KCNU1: variants seen among roughly 807,000 people sequenced by gnomAD.
The protein encoded by KCNU1 is potassium calcium-activated channel subfamily U member 1.
KCNU1 carries 93 observed loss-of-function variants against 126.8 expected under a neutral mutation model. The observed-to-expected ratio is 0.73, with a 90% CI of 0.62 to 0.87. The LOEUF is 0.87. KCNU1 is among the 40% of genes least tolerant of loss of function. The pLI is 0.00. For missense variants in KCNU1, 1,330 were observed against 1,367.1 expected, an observed-to-expected ratio of 0.97 and a Z score of 0.43; for synonymous variants, 523 against 494.2, an observed-to-expected ratio of 1.06 and a Z score of -0.77.
At chr8:36,883,522 G>A (rs1806571682) in intron 19 of KCNU1, among the ~76,000 whole-genome samples, 1 of 152,280 alleles carries the variant, frequency 6.6e-6, no homozygotes, top group African/African-American at 2.4e-5. Context: ...CATGGTTCAT[G>A]CCTGTAATCC....
chr8:36,919,190 T>C (rs1209367410), intron 23 of KCNU1, among the ~76,000 whole-genome samples: 2 of 152,082 alleles, frequency 1.3e-5, no homozygotes, highest in Non-Finnish European at 2.9e-5. Flanking sequence ...GCCATCGATA[T>C]GAAGACTGCT....
chr8:36,812,432 G>A (rs1464054754), intron 7 of KCNU1, among the ~76,000 whole-genome samples: 2 of 147,596 alleles, frequency 1.4e-5, no homozygotes, highest in East Asian at 2.0e-4. Context: ...ATAAAAAATA[G>A]AGCTAAGACA....
At chr8:36,899,870 C>G (rs1223671718) in intron 19 of KCNU1, among the ~76,000 whole-genome samples, 1 of 152,114 alleles carries the variant, frequency 6.6e-6, no homozygotes, top group Non-Finnish European at 1.5e-5. Flanking sequence ...TTAGCACAAA[C>G]AAGTATCGCC....
chr8:36,799,447 CT>C (rs1159308786), intron 2 of KCNU1, among the ~76,000 whole-genome samples: 1 of 144,638 alleles, frequency 6.9e-6, no homozygotes, highest in Non-Finnish European at 1.5e-5. Flanking sequence ...TTTAGCTATT[CT>C]TTTTTTGGGA....
At chr8:36,851,401 C>T (rs1158759135) in intron 18 of KCNU1, among the ~76,000 whole-genome samples, 2 of 151,868 alleles carry the variant, frequency 1.3e-5, no homozygotes, top group Non-Finnish European at 2.9e-5. Flanking sequence ...CTCTCTCTCT[C>T]TCTCTCTCTC....
chr8:36,797,656 G>T (rs1362856880), intron 2 of KCNU1, among the ~76,000 whole-genome samples: 1 of 150,062 alleles, frequency 6.7e-6, no homozygotes, highest in African/African-American at 2.5e-5. Flanking sequence ...TTAAAGAAGT[G>T]CCCATATTCA....
At position 36,815,597 on chromosome 8, in the gene KCNU1, T is replaced by C; in HGVS notation, c.905T>C (p.Ile302Thr). ...TTTTATTTTGCTGATCAATTTTAGATATTATTTGCGAACTATATACCTGAA... is the reference window on the plus strand; with the variant it reads ...TTTTATTTTGCTGATCAATTTTAGACATTATTTGCGAACTATATACCTGAA... The part of the protein sequence containing the change: ...FIMFFTLGSL[I>T]LFANYIPEMV... The change falls in exon 9 of 27, where the codon ATA becomes ACA. Residue 302 changes from isoleucine to threonine, a missense_variant and splice_region_variant. Around this residue, in one of 3 missense-constraint regions of KCNU1, gnomAD observed 1,054 missense variants for 1,053.9 expected, o/e 1.00. Coordinates refer to ENST00000399881, the MANE Select transcript of KCNU1 (RefSeq NM_001031836.3). 1 of 1,520,700 alleles carries C rather than the reference T, an allele frequency of 6.6e-7. No homozygotes were observed. The highest frequency in any genetic ancestry group is 1.9e-5 in the Admixed American group (1 of 51,832). 94.2% of individuals were successfully genotyped at this position (1,520,700 alleles called of 1,614,324 possible). A position where few individuals can be genotyped will look rare whatever the true frequency, so the allele number is the denominator to read the frequency against.
At chr8:36,849,613 C>A (rs1805272531) in intron 18 of KCNU1, among the ~76,000 whole-genome samples, 2 of 151,982 alleles carry the variant, frequency 1.3e-5, no homozygotes, top group Non-Finnish European at 2.9e-5. Flanking sequence ...ACAAACAAAA[C>A]CCACCAAAAA....
At chr8:36,882,783 A>G (rs1806536613) in intron 19 of KCNU1, among the ~76,000 whole-genome samples, 1 of 152,028 alleles carries the variant, frequency 6.6e-6, no homozygotes, top group Non-Finnish European at 1.5e-5. Flanking sequence ...GGGTTTCTCC[A>G]TGTTGGTCAG....
Position 36,862,069 on chromosome 8 carries a change from C to T in KCNU1, c.1892-2335C>T, listed in dbSNP as rs555792964. 3.7e-4 allele frequency among the ~76,000 whole-genome samples: 57 copies of T among 152,160 alleles called. 1 individual carries two copies. Among genetic ancestry groups the T allele is most frequent in the Admixed American group, 7.9e-4 (12 of 15,276 alleles). On this transcript the variant is annotated intron_variant, in intron 18 of 26. Transcript: ENST00000399881. ...AAATCTGTAAGGTATCCATAGGGAA[C>T]TCATGGTAAGTCATGACAAGACATT...
At chr8:36,835,036 A>G (rs1804695620) in intron 12 of KCNU1, among the ~76,000 whole-genome samples, 168 bp downstream of exon 12, 2 of 152,228 alleles carry the variant, frequency 1.3e-5, no homozygotes, top group Non-Finnish European at 1.5e-5. Context: ...GACTGTGCAG[A>G]TGGATGCAAA....
chr8:36,793,593 G>C (rs1802982118), intron 2 of KCNU1, among the ~76,000 whole-genome samples: 1 of 151,980 alleles, frequency 6.6e-6, no homozygotes, highest in African/African-American at 2.4e-5. Context: ...TTTCAAATGT[G>C]CTCTCCAATT....
chr8:36,909,341 C>T lies in KCNU1; in HGVS notation c.2137C>T (p.Arg713Trp), dbSNP rs199759602. The change falls in exon 21 of 27, where the codon CGG becomes TGG. Residue 713 changes from arginine (R) to tryptophan (W), a missense_variant. Physicochemically the swap from Arg to Trp is moderately radical, Grantham distance 101 (BLOSUM62 -3). Coordinates refer to ENST00000399881, the MANE Select transcript of KCNU1 (RefSeq NM_001031836.3). ...AACTGGCAAGTCAAAGTATAAGTTT[C>T]GGAACCATATTGTAGCATGTGTATT... ...KRTGKSKYKF[R>W]NHIVACVFGD... 1.4e-4 allele frequency: 226 copies of T among 1,613,434 alleles called. No individual in the cohort carries two copies. In the African/African-American group the frequency reaches 2.2e-3, roughly 16 times the overall value.
chr8:36,859,944 A>G (rs530968773), intron 18 of KCNU1, among the ~76,000 whole-genome samples: 23 of 152,344 alleles, frequency 1.5e-4, no homozygotes, highest in Non-Finnish European at 3.4e-4. Context: ...TTCTGCATAT[A>G]TGATAATTAT....
chr8:36,865,452 C>G (rs1585480650), intron 19 of KCNU1, among the ~76,000 whole-genome samples: 1 of 151,870 alleles, frequency 6.6e-6, no homozygotes, highest in Non-Finnish European at 1.5e-5. Flanking sequence ...ACAGAAACAA[C>G]CTAAGTGTTA....
chr8:36,910,932 A>G lies in KCNU1; in HGVS notation c.2334A>G (p.Gly778=). ...WNFPQIYILP[G]CALYSGDLHA... ...CCTCTCTCTTTTCCTCTCATTAGGG[A>G]TGTGCACTTTATTCTGGAGACCTCC... The change falls in exon 22 of 27, where the codon GGA becomes GGG. Residue 778 remains glycine (G), a splice_region_variant and synonymous_variant. Coordinates refer to ENST00000399881, the MANE Select transcript of KCNU1 (RefSeq NM_001031836.3). 6.2e-7 allele frequency: 1 copy of G among 1,602,122 alleles called. No individual in the cohort carries two copies. Among genetic ancestry groups the G allele is most frequent in the Non-Finnish European group, 8.5e-7 (1 of 1,170,766 alleles).
intron 19 of KCNU1, among the ~76,000 whole-genome samples, chr8:36,885,319 C>G (rs534382033): frequency 1.3e-5 from 2 of 152,240 alleles, no homozygotes; most frequent in East Asian, 3.9e-4. Flanking sequence ...CTTTGGGAGG[C>G]CGAGGCGGGC....
At chr8:36,889,556 C>G (rs1466269308) in intron 19 of KCNU1, among the ~76,000 whole-genome samples, 1 of 152,006 alleles carries the variant, frequency 6.6e-6, no homozygotes, top group Non-Finnish European at 1.5e-5. Context: ...CTTGAGGATA[C>G]ATCTTCAGAA....
In KCNU1 at chr8:36,929,404, A is replaced by AAGAAC. The variant is rs2117609537; in HGVS notation, c.2737-1546_2737-1545insGAACA. Among the ~76,000 whole-genome samples the AAGAAC allele has an allele frequency of 1.4e-5, 2 of 143,160 alleles. 1 individual carries two copies. Among genetic ancestry groups the AAGAAC allele is most frequent in the South Asian group, 4.4e-4 (2 of 4,516 alleles). The allele number at this position is 143,160 out of a possible 152,430, so 93.9% of individuals were successfully genotyped here. ...CCCTGTCTCAAAAAAAAAAAAAAAA[A>AAGAAC]AAAGAACAAAAAACAAACAAACAAA... On this transcript the variant is annotated intron_variant, in intron 24 of 26. Transcript: ENST00000399881.
Sources: allele counts gnomAD v4.1 joint callset (sites outside exome capture counted in the v4.1 genomes callset), GRCh38; gene constraint gnomAD v4.1.1; regional missense constraint gnomAD v4.1.1; transcripts MANE v1.5; gene names NCBI Gene and HGNC (gene_info 2026-07-23, HGNC 2026-07-21).